CLIP2: variants seen among roughly 807,000 people sequenced by gnomAD.
The protein encoded by CLIP2 is CAP-Gly domain-containing linker protein 2.
A neutral mutation model predicts 111.7 loss-of-function variants in CLIP2; 41 were observed. The ratio of observed to expected loss-of-function variants is 0.37; its 90% CI spans 0.29 to 0.48. The LOEUF (loss-of-function observed/expected upper bound fraction) is 0.48. Among genes scored for constraint, CLIP2 ranks in the 20% least tolerant of loss-of-function variants. The pLI, the probability that CLIP2 is intolerant of heterozygous loss-of-function variation, is 0.99. For missense variants in CLIP2, 1,160 were observed against 1,422.1 expected, an observed-to-expected ratio of 0.82 and a Z score of 2.96; for synonymous variants, 660 against 644.2, an observed-to-expected ratio of 1.02 and a Z score of -0.37.
At chr7:74,351,495 G>A (rs373891921) in intron 3 of CLIP2, among the ~76,000 whole-genome samples, 3 of 150,518 alleles carry the variant, frequency 2.0e-5, no homozygotes, top group Non-Finnish European at 4.4e-5. Flanking sequence ...TTACCTCCTC[G>A]TGCATCTTTT....
intron 1 of CLIP2, among the ~76,000 whole-genome samples, chr7:74,314,648 C>T (rs985300640): frequency 2.6e-5 from 4 of 152,198 alleles, no homozygotes; most frequent in African/African-American, 7.2e-5. Context: ...ATCCTCCATC[C>T]GACTATGGTG....
intron 2 of CLIP2, among the ~76,000 whole-genome samples, chr7:74,321,446 C>T (rs189527221): frequency 6.6e-6 from 1 of 152,036 alleles, no homozygotes; most frequent in Non-Finnish European, 1.5e-5. Context: ...CATGTTGCAG[C>T]GCAATTACTT....
Position 74,380,871 on chromosome 7 carries a change from G to A in CLIP2, c.2479+8G>A, listed in dbSNP as rs782306893. ...CGAAGGAAACTGTGGAGGGTGAGTG[G>A]CCACCAGGCCGGGCGGGACTCTGGG... is the stretch of plus-strand genomic sequence containing the variant. On this transcript the variant is annotated splice_region_variant and intron_variant, in intron 11 of 16. Transcript: ENST00000223398. 11 of 1,613,412 alleles carry A rather than the reference G, an allele frequency of 6.8e-6. No homozygotes were observed. The highest frequency in any genetic ancestry group is 9.3e-6 in the Non-Finnish European group (11 of 1,179,568).
rs59994754 is a variant in CLIP2, at chr7:74,366,513, A to G, written c.1380+2198A>G. ...CCTGTATCAATTTCCTGGGGCTGCAATAATGCACAGCCACAAATGTGTGGC... is the reference window on the plus strand; with the variant it reads ...CCTGTATCAATTTCCTGGGGCTGCAGTAATGCACAGCCACAAATGTGTGGC... On this transcript the variant is annotated intron_variant, in intron 8 of 16. Transcript: ENST00000223398. Among the ~76,000 whole-genome samples the G allele has an allele frequency of 7.3e-3, 1,114 of 152,360 alleles. 19 individuals carry two copies. Among genetic ancestry groups the G allele is most frequent in the African/African-American group, 0.025 (1,038 of 41,596 alleles).
At chr7:74,327,399 G>A (rs190233760) in intron 2 of CLIP2, among the ~76,000 whole-genome samples, 62 of 152,246 alleles carry the variant, frequency 4.1e-4, no homozygotes, top group Admixed American at 7.9e-4. Context: ...CACTTCACTC[G>A]GTCAGCATTG....
At chr7:74,396,210 C>A (rs1221767511) in intron 13 of CLIP2, among the ~76,000 whole-genome samples, 4 of 152,176 alleles carry the variant, frequency 2.6e-5, no homozygotes, top group Admixed American at 1.3e-4. Context: ...CAGGTAGATC[C>A]TGTCAGTTGA....
intron 2 of CLIP2, among the ~76,000 whole-genome samples, chr7:74,325,485 C>T (rs1348814053): frequency 6.6e-6 from 1 of 152,166 alleles, no homozygotes; most frequent in East Asian, 1.9e-4. Context: ...GAGCAGGAGT[C>T]GCCCCAGCTG....
chr7:74,311,334 T>C (rs1351286661), intron 1 of CLIP2, among the ~76,000 whole-genome samples: 1 of 152,176 alleles, frequency 6.6e-6, no homozygotes, highest in Non-Finnish European at 1.5e-5. Flanking sequence ...GATTGTACCA[T>C]TTTTTATTTC....
chr7:74,328,097 A>G (rs1280370249), intron 2 of CLIP2, among the ~76,000 whole-genome samples: 1 of 152,044 alleles, frequency 6.6e-6, no homozygotes, highest in Admixed American at 6.6e-5. Context: ...TGGGGTGACC[A>G]CAGGAGAGAG....
At chr7:74,341,265 G>T (rs1789652642) in intron 3 of CLIP2, among the ~76,000 whole-genome samples, 1 of 152,102 alleles carries the variant, frequency 6.6e-6, no homozygotes, top group Non-Finnish European at 1.5e-5. Context: ...TCGGCTCACT[G>T]CAACCTCCAC....
chr7:74,302,180 G>A (rs1246362035), intron 1 of CLIP2, among the ~76,000 whole-genome samples: 1 of 151,842 alleles, frequency 6.6e-6, no homozygotes, highest in African/African-American at 2.4e-5. Flanking sequence ...CTGTTGGCAG[G>A]GCAAGGAAGA....
At chr7:74,329,328 A>G (rs547113536) in intron 2 of CLIP2, among the ~76,000 whole-genome samples, 1 of 151,916 alleles carries the variant, frequency 6.6e-6, no homozygotes, top group South Asian at 2.1e-4. Flanking sequence ...AACAGACATG[A>G]GCCACCACAC....
rs191314430 is a variant in CLIP2, at chr7:74,338,163, A to G, written c.122-285A>G. Among the ~76,000 whole-genome samples the G allele has an allele frequency of 3.9e-5, 6 of 152,170 alleles. No homozygotes were observed. Among genetic ancestry groups the G allele is most frequent in the African/African-American group, 7.2e-5 (3 of 41,544 alleles). On this transcript the variant is annotated intron_variant, in intron 2 of 16. Coordinates refer to ENST00000223398, the MANE Select transcript of CLIP2 (RefSeq NM_003388.5). This position sits in a 1 kb window ranked among gnomAD's most constrained non-coding sequence, Gnocchi z 4.3. ...ACTGCAGTGAGCCACCATATCGCCAATGCACTCTAGTCTGGGTGACAGAGC... is the reference window on the plus strand; with the variant it reads ...ACTGCAGTGAGCCACCATATCGCCAGTGCACTCTAGTCTGGGTGACAGAGC...
chr7:74,357,245 C>T (rs782283138), intron 5 of CLIP2, 35 bp from the exon 6 acceptor site: 7 of 1,601,758 alleles, frequency 4.4e-6, no homozygotes, highest in Middle Eastern at 1.7e-4. Flanking sequence ...TGCTTCAGAT[C>T]CCTGAGACCC....
At chr7:74,384,656 G>T (rs1247782168) in intron 11 of CLIP2, among the ~76,000 whole-genome samples, 3 of 151,706 alleles carry the variant, frequency 2.0e-5, no homozygotes, top group African/African-American at 7.3e-5. Context: ...ATGTTGGCCA[G>T]ACTGGTCTTG....
chr7:74,289,952 G>A (rs372610799), intron 1 of CLIP2, among the ~76,000 whole-genome samples: 3 of 152,300 alleles, frequency 2.0e-5, no homozygotes, highest in East Asian at 3.9e-4. Context: ...AGAGGAGGGG[G>A]CACTGCTTGG....
intron 1 of CLIP2, among the ~76,000 whole-genome samples, chr7:74,293,922 GT>G (rs376641829): frequency 2.0e-4 from 29 of 145,034 alleles, no homozygotes; most frequent in Non-Finnish European, 2.1e-4. Flanking sequence ...CTTTTTTTTT[GT>G]TTTTTTTTTT....
chr7:74,298,355 G>GTTTTTTTTTTTTTTT (rs1564023938), intron 1 of CLIP2, among the ~76,000 whole-genome samples: 3 of 107,896 alleles, frequency 2.8e-5, no homozygotes, highest in Admixed American at 9.6e-5. Context: ...CCTGCTAATT[G>GTTTTTTTTTTTTTTT]GTTTTTTTTT....
At chr7:74,299,533 T>G (rs1788266485) in intron 1 of CLIP2, among the ~76,000 whole-genome samples, 4 of 152,068 alleles carry the variant, frequency 2.6e-5, no homozygotes, top group Admixed American at 2.6e-4. Flanking sequence ...CACCACACCC[T>G]GGAGTGGACC....
Sources: allele counts gnomAD v4.1 joint callset (sites outside exome capture counted in the v4.1 genomes callset), GRCh38; gene constraint gnomAD v4.1.1; non-coding constraint Gnocchi (gnomAD v3.1); transcripts MANE v1.5; gene names NCBI Gene and HGNC (gene_info 2026-07-23, HGNC 2026-07-21).